Variants in PRKCQ observed in about 807,000 individuals in gnomAD.
The protein encoded by PRKCQ is protein kinase C theta type.
In PRKCQ, 41 loss-of-function variants were observed where a neutral mutation model predicts 91.2. The ratio of observed to expected loss-of-function variants is 0.45; its 90% CI spans 0.35 to 0.58. PRKCQ has a LOEUF of 0.58. Among genes scored for constraint, PRKCQ ranks in the 20% least tolerant of loss-of-function variants. The pLI is 0.00. For missense variants in PRKCQ, 673 were observed against 896.5 expected (o/e 0.75, Z 3.18); for synonymous variants, 307 against 316.9 (o/e 0.97, Z 0.33).
the PRKCQ span, among the ~76,000 whole-genome samples, chr10:6,420,521 C>G: frequency 6.6e-6 from 1 of 152,196 alleles, no homozygotes; most frequent in African/African-American, 2.4e-5. Context: ...CTGAGATGAC[C>G]TATTTCCTCA....
At chr10:6,577,867 G>A (rs545310357) in intron 1 of PRKCQ, among the ~76,000 whole-genome samples, 1 of 152,320 alleles carries the variant, frequency 6.6e-6, no homozygotes, top group African/African-American at 2.4e-5. Context: ...ATTTGTCTGT[G>A]TAGGTCTACT....
At chr10:6,489,424 A>C in intron 8 of PRKCQ, 1 of 532,032 alleles carries the variant, frequency 1.9e-6, no homozygotes, top group Middle Eastern at 3.2e-4. Context: ...AGTTTCTTGG[A>C]GGGCAAAGAG....
chr10:6,507,049 T>C (rs1042429673), intron 4 of PRKCQ, among the ~76,000 whole-genome samples: 2 of 152,236 alleles, frequency 1.3e-5, no homozygotes, highest in Admixed American at 6.5e-5. Context: ...TTCTTACTTA[T>C]TTTGTATTCT....
intron 2 of PRKCQ, among the ~76,000 whole-genome samples, chr10:6,511,671 T>G (rs1838483935): frequency 6.6e-6 from 1 of 152,120 alleles, no homozygotes; most frequent in African/African-American, 2.4e-5. Flanking sequence ...AAACAGGAAC[T>G]TGGGAGGGGT....
At chr10:6,496,926 A>C in intron 7 of PRKCQ, 109 bp downstream of exon 7, 1 of 996,366 alleles carries the variant, frequency 1.0e-6, no homozygotes, top group Non-Finnish European at 1.6e-6. Flanking sequence ...ATGTTCACTG[A>C]TAAATGGGAG....
At chr10:6,577,008 TAAAG>T (rs780481006) in intron 1 of PRKCQ, among the ~76,000 whole-genome samples, 11 of 152,126 alleles carry the variant, frequency 7.2e-5, no homozygotes, top group Non-Finnish European at 1.5e-4. Context: ...TTCTAAATAA[TAAAG>T]ACTCAAAACC....
At chr10:6,446,600 A>C (rs1475793625) in intron 15 of PRKCQ, among the ~76,000 whole-genome samples, 3 of 151,974 alleles carry the variant, frequency 2.0e-5, no homozygotes, top group African/African-American at 7.2e-5. Context: ...TCCTGACCTC[A>C]GGTGATCCGC....
chr10:6,423,207 G>C (rs1833045622), downstream of PRKCQ, among the ~76,000 whole-genome samples: 1 of 152,180 alleles, frequency 6.6e-6, no homozygotes, highest in Admixed American at 6.5e-5. Flanking sequence ...ATGAGCAAAA[G>C]CCCTAGAGCA....
intron 8 of PRKCQ, among the ~76,000 whole-genome samples, chr10:6,490,325 C>T (rs1837215232): frequency 6.6e-6 from 1 of 152,042 alleles, no homozygotes; most frequent in Non-Finnish European, 1.5e-5. Context: ...CCATCACGTA[C>T]CTCATTGCTC....
At chr10:6,457,035 C>G (rs1835046938) in intron 14 of PRKCQ, among the ~76,000 whole-genome samples, 1 of 152,164 alleles carries the variant, frequency 6.6e-6, no homozygotes, top group African/African-American at 2.4e-5. Flanking sequence ...CCAAGGGGTG[C>G]AGCTCAGTAT....
chr10:6,396,443 C>T, the PRKCQ span, among the ~76,000 whole-genome samples: 1 of 152,246 alleles, frequency 6.6e-6, no homozygotes, highest in Non-Finnish European at 1.5e-5. Flanking sequence ...TCCCCAGTCT[C>T]CCCATGTCAA....
chr10:6,552,493 T>G (rs1310861668), intron 1 of PRKCQ, among the ~76,000 whole-genome samples: 1 of 147,900 alleles, frequency 6.8e-6, no homozygotes, highest in Non-Finnish European at 1.5e-5. Flanking sequence ...CTAGACAGAG[T>G]CTTGCTCTGT....
intron 1 of PRKCQ, among the ~76,000 whole-genome samples, chr10:6,549,941 C>T (rs984446110): frequency 6.6e-6 from 1 of 151,902 alleles, no homozygotes; most frequent in Admixed American, 6.6e-5. Flanking sequence ...TGAAATTCAC[C>T]ATCTTAATCA....
chr10:6,395,968 A>G, the PRKCQ span, among the ~76,000 whole-genome samples: 1 of 152,166 alleles, frequency 6.6e-6, no homozygotes, highest in Admixed American at 6.5e-5. Context: ...CCCCATCAGT[A>G]AGATGCAGGA....
At chr10:6,447,572 G>T (rs1043764833) in intron 15 of PRKCQ, among the ~76,000 whole-genome samples, 3 of 152,154 alleles carry the variant, frequency 2.0e-5, no homozygotes, top group African/African-American at 4.8e-5. Flanking sequence ...CTCAGGAGGT[G>T]CAGCCTAGTG....
At chr10:6,482,470 AGAT>A (rs1836657938) in intron 11 of PRKCQ, among the ~76,000 whole-genome samples, 1 of 152,174 alleles carries the variant, frequency 6.6e-6, no homozygotes, top group South Asian at 2.1e-4. Context: ...CACAGGAGGA[AGAT>A]GATATGAAGG....
intron 7 of PRKCQ, among the ~76,000 whole-genome samples, chr10:6,493,145 T>C (rs1047377976): frequency 6.6e-6 from 1 of 152,226 alleles, no homozygotes; most frequent in Non-Finnish European, 1.5e-5. Flanking sequence ...GAAGACGCTA[T>C]GTACACGCTT....
At chr10:6,574,151 T>C (rs56288585) in intron 1 of PRKCQ, among the ~76,000 whole-genome samples, 2,184 of 152,260 alleles carry the variant, frequency 0.014, 59 homozygotes, top group African/African-American at 0.05. Context: ...GACCCCTGGC[T>C]GTCTTGTTGT....
intron 16 of PRKCQ, among the ~76,000 whole-genome samples, chr10:6,436,252 A>C (rs369684659): frequency 4.6e-5 from 7 of 152,362 alleles, no homozygotes; most frequent in African/African-American, 1.7e-4. Context: ...GAAACTCTGC[A>C]GATGACTTTT....
Sources: allele counts gnomAD v4.1 joint callset (sites outside exome capture counted in the v4.1 genomes callset), GRCh38; gene constraint gnomAD v4.1.1; transcripts MANE v1.5; gene names NCBI Gene and HGNC (gene_info 2026-07-23, HGNC 2026-07-21).